The following MFAP1 variants were observed in gnomAD, a reference collection of about 807,000 sequenced individuals.
MFAP1 encodes microfibrillar-associated protein 1.
In MFAP1, 18 loss-of-function variants were observed where a neutral mutation model predicts 62.2. The ratio of observed to expected loss-of-function variants is 0.29; its 90% CI spans 0.20 to 0.43. The LOEUF (loss-of-function observed/expected upper bound fraction) is 0.43, where lower values mean the gene tolerates loss of function less well. Ranked by LOEUF, MFAP1 falls within the 20% of genes least tolerant of loss-of-function variation. MFAP1 has a pLI of 1.00. For synonymous variants in MFAP1, 175 were observed against 180.4 expected (o/e 0.97, Z 0.24); for missense variants, 355 against 559.7 (o/e 0.63, Z 3.69).
rs539932185 is a variant in MFAP1 at position 43,814,581 on chromosome 15, T to C, written c.537A>G (p.Ser179=). The change falls in exon 4 of 9, where the codon TCA becomes TCG. Residue 179 remains serine, a synonymous_variant. Coordinates refer to ENST00000267812, the MANE Select transcript of MFAP1 (RefSeq NM_005926.3). ...ACTCTTCATACTCAGACTCTGATTC[T>C]GACTCCTCTCCAGAACGACCCTCAT... ...VEDEGRSGEE[S]ESESEYEEYT... The C allele has an allele frequency of 6.2e-7, 1 of 1,614,224 alleles. No individual in the cohort carries two copies. Among genetic ancestry groups the C allele is most frequent in the South Asian group, 1.1e-5 (1 of 91,084 alleles).
Position 43,814,572 on chromosome 15 carries a change from C to T in MFAP1, c.546G>A (p.Glu182=), listed in dbSNP as rs1236065455. The T allele has an allele frequency of 6.2e-7, 1 of 1,614,192 alleles. No homozygotes were observed. Among genetic ancestry groups the T allele is most frequent in the South Asian group, 1.1e-5 (1 of 91,088 alleles). ...EGRSGEESES[E]SEYEEYTDSE... is the part of the protein sequence containing the mutation. Reference sequence around the variant, plus strand: ...TGTCTGTGTACTCTTCATACTCAGACTCTGATTCTGACTCCTCTCCAGAAC... The same window carrying T: ...TGTCTGTGTACTCTTCATACTCAGATTCTGATTCTGACTCCTCTCCAGAAC... Residue 182 remains glutamate, a synonymous_variant, in exon 4 of 9, where the codon GAG becomes GAA. Transcript: ENST00000267812.
chr15:43,812,345 A>G (rs888763063), intron 6 of MFAP1, among the ~76,000 whole-genome samples: 4 of 152,074 alleles, frequency 2.6e-5, no homozygotes, highest in African/African-American at 9.7e-5. Flanking sequence ...GCTTAAAGCT[A>G]GGTTGGCCTT....
intron 7 of MFAP1, among the ~76,000 whole-genome samples, chr15:43,808,756 C>A (rs1162948567): frequency 6.6e-6 from 1 of 152,236 alleles, no homozygotes. Context: ...GAAGTTTTAA[C>A]AGCATCTGCA....
In MFAP1 at chr15:43,813,155, G is replaced by C; in HGVS notation, c.727-8C>G. Reference sequence around the variant, plus strand: ...GGTTTCCTCTTCGACAATCTGGATAGGGAGAACAATTCAGCTTGGACTTCC... The same window carrying C: ...GGTTTCCTCTTCGACAATCTGGATACGGAGAACAATTCAGCTTGGACTTCC... On this transcript the variant is annotated splice_polypyrimidine_tract_variant and splice_region_variant and intron_variant, in intron 5 of 8. Coordinates refer to ENST00000267812, the MANE Select transcript of MFAP1 (RefSeq NM_005926.3). 6.2e-7 allele frequency: 1 copy of C among 1,614,018 alleles called. No homozygotes were observed. Among genetic ancestry groups the C allele is most frequent in the South Asian group, 1.1e-5 (1 of 91,068 alleles).
intron 7 of MFAP1, among the ~76,000 whole-genome samples, chr15:43,805,690 G>T (rs1454629242): frequency 1.3e-5 from 2 of 151,502 alleles, no homozygotes; most frequent in Admixed American, 1.3e-4. Context: ...TTGGCTCACT[G>T]CAACCTCCGT....
At chr15:43,805,974 G>GC (rs1270918056) in intron 7 of MFAP1, among the ~76,000 whole-genome samples, 3 of 142,802 alleles carry the variant, frequency 2.1e-5, no homozygotes, top group Non-Finnish European at 4.5e-5. Flanking sequence ...CCCTGAGACA[G>GC]CGTCTCATTC....
At chr15:43,813,825 T>C (rs1482852587) in intron 4 of MFAP1, among the ~76,000 whole-genome samples, 1 of 152,076 alleles carries the variant, frequency 6.6e-6, no homozygotes, top group Non-Finnish European at 1.5e-5. Context: ...CCCAGGTCTT[T>C]AGAGGACTAA....
At chr15:43,820,508 T>G (rs1015683253) in intron 1 of MFAP1, among the ~76,000 whole-genome samples, 70 of 152,100 alleles carry the variant, frequency 4.6e-4, no homozygotes, top group African/African-American at 1.7e-3. Flanking sequence ...AGATAACAAA[T>G]AGATAAAAGA....
intron 7 of MFAP1, among the ~76,000 whole-genome samples, chr15:43,807,999 G>A (rs2141704916): frequency 6.6e-6 from 1 of 152,136 alleles, no homozygotes; most frequent in South Asian, 2.1e-4. Context: ...TAGAAATTAG[G>A]TGTGGTGGCA....
Position 43,805,284 on chromosome 15 carries a change from A to G in MFAP1, c.1138-8T>C. The G allele has an allele frequency of 1.9e-6, 3 of 1,595,460 alleles. No homozygotes were observed. Among genetic ancestry groups the G allele is most frequent in the Non-Finnish European group, 1.7e-6 (2 of 1,166,624 alleles). On this transcript the variant is annotated splice_polypyrimidine_tract_variant and splice_region_variant and intron_variant, in intron 8 of 8. Transcript: ENST00000267812. ...GCGTCCAAAGTTCTTGACCTGAGGG[A>G]AGGATGGATGATGAGTTATACCACC... is the stretch of plus-strand genomic sequence containing the variant.
intron 1 of MFAP1, among the ~76,000 whole-genome samples, chr15:43,818,755 T>C (rs2141711716): frequency 6.6e-6 from 1 of 151,922 alleles, no homozygotes; most frequent in Non-Finnish European, 1.5e-5. Flanking sequence ...GACATAGTGG[T>C]ATATGCCTGT....
chr15:43,822,929 C>A (rs953536007), intron 1 of MFAP1, among the ~76,000 whole-genome samples: 1 of 151,190 alleles, frequency 6.6e-6, no homozygotes, highest in Non-Finnish European at 1.5e-5. Flanking sequence ...ACCTCTGCCC[C>A]CTGAGTTCAA....
rs1238511380 is a variant in MFAP1, at chr15:43,816,251, T to TTC, written c.299+977_299+978insGA. ...TTATTTTTTTTTCTTTTTTCTTTTC[T>TTC]TTTTTTTTTTTTGAGATGGAGTCTC... On this transcript the variant is annotated intron_variant, in intron 2 of 8. Coordinates refer to ENST00000267812, the MANE Select transcript of MFAP1 (RefSeq NM_005926.3). Among the ~76,000 whole-genome samples, 14 of 28,788 alleles carry TTC rather than the reference T, an allele frequency of 4.9e-4. 1 individual carries two copies. The South Asian group carries it at 0.021, about 43-fold the overall frequency. 18.9% of individuals were successfully genotyped at this position (28,788 alleles called of 152,430 possible). A position where few individuals can be genotyped will look rare whatever the true frequency, so the allele number is the denominator to read the frequency against.
At chr15:43,815,171 CAT>C in intron 2 of MFAP1, 97 bp from the exon 3 acceptor site, 1 of 1,460,580 alleles carries the variant, frequency 6.8e-7, no homozygotes, top group South Asian at 1.3e-5. Flanking sequence ...TGTTTGCCTT[CAT>C]TAATACTGAA....
In MFAP1 at chr15:43,804,869, G is replaced by A. The variant is rs2087351620; in HGVS notation, c.*225C>T. ...AGATTTCTCAGAAATAGTTTTAAGT[G>A]GGAAGCCTCTAATCCTACCTGGACA... On this transcript the variant is annotated 3_prime_UTR_variant, in exon 9 of 9. Coordinates refer to ENST00000267812, the MANE Select transcript of MFAP1 (RefSeq NM_005926.3). 2 of 405,488 alleles carry A rather than the reference G, an allele frequency of 4.9e-6. No homozygotes were observed. The highest frequency in any genetic ancestry group is 8.7e-6 in the Non-Finnish European group (2 of 230,438). The allele number at this position is 405,488 out of a possible 1,614,324, so 25.1% of individuals were successfully genotyped here.
At position 43,813,369 on chromosome 15, in the gene MFAP1, A is replaced by C; in HGVS notation, c.618-12T>G. On this transcript the variant is annotated splice_polypyrimidine_tract_variant and intron_variant, in intron 4 of 8. Coordinates refer to ENST00000267812, the MANE Select transcript of MFAP1 (RefSeq NM_005926.3). Reference sequence around the variant, plus strand: ...TCACTCGGTCCTTCCTGCATCACAGAGATCCTGTTAATTGCCCAAAGTCCT... The same window carrying C: ...TCACTCGGTCCTTCCTGCATCACAGCGATCCTGTTAATTGCCCAAAGTCCT... 4 of 1,598,872 alleles carry C rather than the reference A, an allele frequency of 2.5e-6. No individual in the cohort carries two copies. The highest frequency in any genetic ancestry group is 3.4e-6 in the Non-Finnish European group (4 of 1,176,034).
intron 7 of MFAP1, among the ~76,000 whole-genome samples, chr15:43,805,779 A>AT (rs2087360495): frequency 6.6e-6 from 1 of 151,016 alleles, no homozygotes; most frequent in South Asian, 2.1e-4. Flanking sequence ...CACTCGGCTA[A>AT]TTTTTTGTAT....
At chr15:43,807,089 G>A (rs1199888475) in intron 7 of MFAP1, among the ~76,000 whole-genome samples, 4 of 151,970 alleles carry the variant, frequency 2.6e-5, no homozygotes, top group Admixed American at 2.6e-4. Flanking sequence ...AGTAGCTCAC[G>A]CCTGTAATCC....
chr15:43,805,599 G>T, intron 7 of MFAP1, 134 bp from the exon 8 acceptor site: 1 of 651,412 alleles, frequency 1.5e-6, no homozygotes, highest in Non-Finnish European at 2.5e-6. Context: ...CTTACATCTA[G>T]TTGAAGAGAT....
Sources: gnomAD v4.1 joint callset for allele counts (sites outside exome capture counted in the v4.1 genomes callset) on GRCh38, gnomAD v4.1.1 for gene constraint, MANE v1.5 for transcripts, NCBI Gene and HGNC (gene_info 2026-07-23, HGNC 2026-07-21) for gene names.